Variants in BRI3BP observed in about 807,000 individuals in gnomAD.
BRI3BP encodes BRI3-binding protein.
BRI3BP carries 7 observed loss-of-function variants against 15.8 expected under a neutral mutation model. That is an observed-to-expected ratio of 0.44 (90% CI 0.25 to 0.83). The LOEUF (loss-of-function observed/expected upper bound fraction) is 0.83. Among genes scored for constraint, BRI3BP ranks in the 40% least tolerant of loss-of-function variants. BRI3BP has a pLI of 0.20. For missense variants in BRI3BP, 320 were observed against 339.3 expected (o/e 0.94, Z 0.45); for synonymous variants, 192 against 163.5 (o/e 1.17, Z -1.33).
At chr12:125,019,635 CTTT>C (rs1205730966) in intron 2 of BRI3BP, among the ~76,000 whole-genome samples, 6 of 33,058 alleles carry the variant, frequency 1.8e-4, no homozygotes, top group African/African-American at 4.2e-4. Context: ...TAATTCCACC[CTTT>C]TTTTTTTTTT....
In BRI3BP at chr12:125,000,071, C is replaced by CTT. The variant is rs35258984; in HGVS notation, c.213+6082_213+6083dup. On this transcript the variant is annotated intron_variant, in intron 1 of 2. Transcript: ENST00000341446. ...GAGCTGTTGGGTTCTTTTGTTTTTG[C>CTT]TTTTTTTTTTTTTTTGTAAAGAGGT... Among the ~76,000 whole-genome samples the CTT allele has an allele frequency of 8.4e-3, 330 of 39,372 alleles. 5 individuals carry two copies. Among genetic ancestry groups the CTT allele is most frequent in the African/African-American group, 0.03 (270 of 9,106 alleles). The allele number at this position is 39,372 out of a possible 152,430, so 25.8% of individuals were successfully genotyped here. A position where few individuals can be genotyped will look rare whatever the true frequency, so the allele number is the denominator to read the frequency against.
Position 125,025,348 on chromosome 12 carries a change from A to G in BRI3BP, c.674A>G (p.Glu225Gly). ...AACCCCAGCGTGGAGGAGAAGCTGG[A>G]GCACCTGGAGAAGCAGGTCAGACTG... ...PSNPSVEEKL[E>G]HLEKQVRLLN... The change falls in exon 3 of 3, where the codon GAG becomes GGG. Residue 225 changes from glutamate (E) to glycine (G), a missense_variant. Glu to Gly is a moderately conservative substitution (Grantham distance 98). Transcript: ENST00000341446. The G allele has an allele frequency of 6.2e-7, 1 of 1,613,110 alleles. No homozygotes were observed. Among genetic ancestry groups the G allele is most frequent in the Non-Finnish European group, 8.5e-7 (1 of 1,179,694 alleles).
chr12:125,047,939 T>G, the BRI3BP span, among the ~76,000 whole-genome samples: 5 of 149,570 alleles, frequency 3.3e-5, no homozygotes, highest in Non-Finnish European at 5.9e-5. Flanking sequence ...TCAGGTGAAC[T>G]GCACACCTCG....
the BRI3BP span, among the ~76,000 whole-genome samples, chr12:125,047,841 C>T: frequency 8.6e-5 from 13 of 151,728 alleles, no homozygotes; most frequent in Non-Finnish European, 2.9e-5. Context: ...GGATTACAGG[C>T]GCATGCCACC....
At chr12:125,001,902 C>G (rs561850699) in intron 1 of BRI3BP, among the ~76,000 whole-genome samples, 5 of 152,112 alleles carry the variant, frequency 3.3e-5, no homozygotes, top group African/African-American at 1.2e-4. Flanking sequence ...TTTTCCTTTG[C>G]CCCAACTCCC....
chr12:124,994,626 T>G (rs989100070), intron 1 of BRI3BP, among the ~76,000 whole-genome samples: 9 of 152,186 alleles, frequency 5.9e-5, no homozygotes, highest in African/African-American at 2.2e-4. Context: ...TCCTGCAGCC[T>G]CCTGGGAAGG....
chr12:125,049,103 A>G, the BRI3BP span, among the ~76,000 whole-genome samples: 5 of 152,074 alleles, frequency 3.3e-5, no homozygotes, highest in Non-Finnish European at 7.4e-5. Context: ...CTGGGATTAC[A>G]GGTGCCCGCC....
intron 2 of BRI3BP, among the ~76,000 whole-genome samples, chr12:125,022,199 G>A (rs1384462727): frequency 2.6e-5 from 4 of 152,010 alleles, no homozygotes; most frequent in Admixed American, 2.6e-4. Context: ...GGGGATTCCT[G>A]GAGGAATCAC....
At chr12:125,043,902 G>A in the BRI3BP span, among the ~76,000 whole-genome samples, 1 of 151,958 alleles carries the variant, frequency 6.6e-6, no homozygotes, top group Non-Finnish European at 1.5e-5. Context: ...GTGCACACCT[G>A]TGGTCCCAGC....
chr12:125,001,965 G>A (rs1261362887), intron 1 of BRI3BP, among the ~76,000 whole-genome samples: 41 of 152,112 alleles, frequency 2.7e-4, no homozygotes, highest in Admixed American at 2.7e-3. Flanking sequence ...AGCCTACTGT[G>A]GGCTTTTCAT....
the BRI3BP span, among the ~76,000 whole-genome samples, chr12:125,049,368 C>G: frequency 6.6e-6 from 1 of 152,196 alleles, no homozygotes; most frequent in Non-Finnish European, 1.5e-5. Flanking sequence ...GCTTGGTTCC[C>G]TCCTATTCCC....
the BRI3BP span, among the ~76,000 whole-genome samples, chr12:125,037,905 G>A: frequency 3.9e-5 from 6 of 152,222 alleles, no homozygotes; most frequent in African/African-American, 1.4e-4. Flanking sequence ...GTAAGTACAC[G>A]TGTGTATGTG....
rs546250178 is a variant in BRI3BP, at chr12:125,021,235, CAGTGTTGGACTCT to C, written c.317-3753_317-3741del. On this transcript the variant is annotated intron_variant, in intron 2 of 2. Transcript: ENST00000341446. The stretch of plus-strand genomic sequence containing the variant: ...TAGTCCCAGAGATGGCTGCTGTTTA[CAGTGTTGGACTCT>C]AGACACTGGCCAGCTGTGCGGAGTC... 2.2e-3 allele frequency among the ~76,000 whole-genome samples: 342 copies of C among 152,292 alleles called. 3 individuals carry two copies. The highest frequency in any genetic ancestry group is 7.9e-3 in the African/African-American group (327 of 41,556).
At chr12:125,048,829 G>A in the BRI3BP span, among the ~76,000 whole-genome samples, 15 of 152,206 alleles carry the variant, frequency 9.9e-5, no homozygotes, top group Admixed American at 3.3e-4. Context: ...CTAGGAGCCT[G>A]CGTTTGTGGG....
At chr12:125,048,011 T>C in the BRI3BP span, among the ~76,000 whole-genome samples, 2 of 107,482 alleles carry the variant, frequency 1.9e-5, no homozygotes, top group Non-Finnish European at 1.9e-5. Context: ...TTTTTTCTTA[T>C]AGTTAAAAAA....
In BRI3BP at chr12:125,031,114, GAGAT is replaced by G. The variant is rs1196048854; in HGVS notation, c.*5686_*5689del. On this transcript the variant is annotated 3_prime_UTR_variant, in exon 3 of 3. Transcript: ENST00000341446. ...AAATCACTGGCTTTGGTGTTATGTA[GAGAT>G]ATTTGTAGATCTCAGAACAGAATTA... 1 of 152,138 alleles carries G rather than the reference GAGAT, an allele frequency of 6.6e-6. No homozygotes were observed. The highest frequency in any genetic ancestry group is 6.6e-5 in the Admixed American group (1 of 15,258). The allele number at this position is 152,138 out of a possible 1,614,324, so 9.4% of individuals were successfully genotyped here. A position where few individuals can be genotyped will look rare whatever the true frequency, so the allele number is the denominator to read the frequency against.
At chr12:125,017,989 T>A (rs1955261964) in intron 2 of BRI3BP, among the ~76,000 whole-genome samples, 1 of 152,080 alleles carries the variant, frequency 6.6e-6, no homozygotes, top group East Asian at 1.9e-4. Flanking sequence ...TGGATGACTG[T>A]GTGTGTAGGG....
At chr12:125,022,833 C>G (rs938128160) in intron 2 of BRI3BP, among the ~76,000 whole-genome samples, 1 of 152,160 alleles carries the variant, frequency 6.6e-6, no homozygotes, top group Admixed American at 6.6e-5. Flanking sequence ...TGTTAATATT[C>G]TTAGAATGAT....
intron 2 of BRI3BP, among the ~76,000 whole-genome samples, chr12:125,019,486 T>C (rs1393363281): frequency 6.6e-6 from 1 of 152,094 alleles, no homozygotes; most frequent in Non-Finnish European, 1.5e-5. Context: ...GGGGTGACTG[T>C]GAGTTCCTCT....
Sources: allele counts gnomAD v4.1 joint callset (sites outside exome capture counted in the v4.1 genomes callset), GRCh38; gene constraint gnomAD v4.1.1; transcripts MANE v1.5; gene names NCBI Gene and HGNC (gene_info 2026-07-23, HGNC 2026-07-21).